Variants in MSH3 observed in about 807,000 individuals in gnomAD.
MSH3 encodes mutS homolog 3, also known as DNA mismatch repair protein Msh3.
MSH3 carries 106 observed loss-of-function variants against 123.3 expected under a neutral mutation model. The ratio of observed to expected loss-of-function variants is 0.86; its 90% confidence interval spans 0.73 to 1.01. MSH3 has a LOEUF of 1.01. MSH3 is among the 50% of genes least tolerant of loss of function. The pLI, the probability that MSH3 is intolerant of heterozygous loss-of-function variation, is 0.00. For synonymous variants in MSH3, 515 were observed against 481.4 expected (o/e 1.07, Z -0.91); for missense variants, 1,459 against 1,347.6 (o/e 1.08, Z -1.29).
intron 3 of MSH3, among the ~76,000 whole-genome samples, chr5:80,669,122 GT>G (rs961005425): frequency 6.6e-6 from 1 of 152,012 alleles, no homozygotes; most frequent in African/African-American, 2.4e-5. Context: ...AATAAATTGA[GT>G]TTTTTTTGAA....
intron 8 of MSH3, among the ~76,000 whole-genome samples, chr5:80,704,451 G>C (rs1412717275): frequency 6.6e-6 from 1 of 152,152 alleles, no homozygotes; most frequent in Non-Finnish European, 1.5e-5. Context: ...TGCCCTCCAG[G>C]TGCTTAGTGA....
chr5:80,812,465 C>T (rs972725732), intron 19 of MSH3, among the ~76,000 whole-genome samples: 4 of 152,082 alleles, frequency 2.6e-5, no homozygotes, highest in African/African-American at 9.7e-5. Context: ...TCTTTTTAGC[C>T]TCTCTTCAAG....
chr5:80,786,099 A>T lies in MSH3; in HGVS notation c.2436-1466A>T, dbSNP rs576333167. 2.0e-5 allele frequency among the ~76,000 whole-genome samples: 3 copies of T among 152,220 alleles called. No homozygotes were observed. The East Asian group carries it at 5.8e-4, about 29-fold the overall frequency. On this transcript the variant is annotated intron_variant, in intron 17 of 23. Transcript: ENST00000265081. ...ATGGCACATGTATACATATGTAACT[A>T]ACCTGCACATTGTGCACATGTACCC...
Position 80,819,410 on chromosome 5 carries a change from G to A in MSH3, c.2813+5669G>A, listed in dbSNP as rs12658865. On this transcript the variant is annotated intron_variant, in intron 20 of 23. Transcript: ENST00000265081. ...TATGTATATATGTGTATATATGTGTGTATATATGTATATATGTGTGTGTAT... is the reference window on the plus strand; with the variant it reads ...TATGTATATATGTGTATATATGTGTATATATATGTATATATGTGTGTGTAT... Among the ~76,000 whole-genome samples the A allele has an allele frequency of 2.1e-4, 31 of 147,118 alleles. No individual in the cohort carries two copies. In the East Asian group the frequency reaches 5.2e-3, roughly 25 times the overall value.
At position 80,802,947 on chromosome 5, in the gene MSH3, A is replaced by G. The variant is rs117426594; in HGVS notation, c.2655+10103A>G. Among the ~76,000 whole-genome samples, 17 of 152,236 alleles carry G rather than the reference A, an allele frequency of 1.1e-4. 1 individual carries two copies. In the East Asian group the frequency reaches 2.3e-3, roughly 21 times the overall value. On this transcript the variant is annotated intron_variant, in intron 19 of 23. Coordinates refer to ENST00000265081, the MANE Select transcript of MSH3 (RefSeq NM_002439.5). ...TGAATAGTACTCCATTGTGTAGTGT[A>G]CCACATTTTCTTTGTCCATTCATCT...
At chr5:80,772,981 CTG>C (rs1466961523) in intron 15 of MSH3, among the ~76,000 whole-genome samples, 2 of 152,174 alleles carry the variant, frequency 1.3e-5, no homozygotes, top group South Asian at 2.1e-4. Context: ...TGTATTGGCT[CTG>C]TGTATGGTAG....
intron 8 of MSH3, among the ~76,000 whole-genome samples, chr5:80,711,295 T>A (rs1367258694): frequency 6.6e-6 from 1 of 152,194 alleles, no homozygotes; most frequent in African/African-American, 2.4e-5. Context: ...TGCGGATAGG[T>A]CCTGGTGTGT....
At chr5:80,830,652 C>T (rs1242520771) in intron 20 of MSH3, among the ~76,000 whole-genome samples, 1 of 152,182 alleles carries the variant, frequency 6.6e-6, no homozygotes, top group Admixed American at 6.5e-5. Flanking sequence ...GGGACTTTCC[C>T]ACAAAGTGGA....
rs531334866 is a variant in MSH3, at chr5:80,674,526, T to C, written c.1028-457T>C. ...GCATCATCCAAGTGATGAAGTGGGT[T>C]GATATTTGGGCCTCCATGGGGTCTG... On this transcript the variant is annotated intron_variant, in intron 6 of 23. Transcript: ENST00000265081. 2.3e-4 allele frequency among the ~76,000 whole-genome samples: 35 copies of C among 152,292 alleles called. No homozygotes were observed. In the East Asian group the frequency reaches 6.7e-3, roughly 29 times the overall value.
chr5:80,705,806 G>A (rs1750710497), intron 8 of MSH3, among the ~76,000 whole-genome samples: 1 of 152,080 alleles, frequency 6.6e-6, no homozygotes, highest in African/African-American at 2.4e-5. Context: ...CTGTGTCCAT[G>A]TTTTCCCTTT....
At chr5:80,674,903 A>G in intron 6 of MSH3, 80 bp from the exon 7 acceptor site, 2 of 1,235,402 alleles carry the variant, frequency 1.6e-6, no homozygotes, top group Non-Finnish European at 2.3e-6. Flanking sequence ...TTAAAGGAGA[A>G]AATAGTTAAT....
chr5:80,704,325 A>T (rs974587359), intron 8 of MSH3, among the ~76,000 whole-genome samples: 2 of 152,150 alleles, frequency 1.3e-5, no homozygotes, highest in African/African-American at 4.8e-5. Flanking sequence ...CTAAGTGTAG[A>T]AAACAATACT....
At chr5:80,761,799 A>T in intron 13 of MSH3, 121 bp downstream of exon 13, 1 of 1,073,380 alleles carries the variant, frequency 9.3e-7, no homozygotes, top group South Asian at 1.4e-5. Flanking sequence ...TACAAATAGC[A>T]TGCGAGAGTA....
At chr5:80,819,660 T>A (rs552320883) in intron 20 of MSH3, among the ~76,000 whole-genome samples, 3 of 151,948 alleles carry the variant, frequency 2.0e-5, no homozygotes, top group African/African-American at 7.2e-5. Flanking sequence ...CTAATTTTTG[T>A]ATTTTTAGTA....
intron 23 of MSH3, among the ~76,000 whole-genome samples, chr5:80,874,437 T>G (rs917175527): frequency 2.6e-5 from 4 of 152,172 alleles, no homozygotes; most frequent in African/African-American, 9.7e-5. Flanking sequence ...AGAAGCAAAG[T>G]GGCATAATCA....
chr5:80,790,194 C>T (rs763085543), intron 18 of MSH3, among the ~76,000 whole-genome samples: 23 of 152,044 alleles, frequency 1.5e-4, no homozygotes, highest in Non-Finnish European at 2.9e-4. Flanking sequence ...ATTGCATCAT[C>T]GTTTATAAGT....
intron 2 of MSH3, among the ~76,000 whole-genome samples, chr5:80,660,396 CCACTGGGTCCTCCCACTGGGTTACCTCT>C (rs1252721546): frequency 1.3e-5 from 2 of 152,072 alleles, no homozygotes; most frequent in African/African-American, 2.4e-5. Flanking sequence ...ATGATTCCTC[CCACTGGGTCCTCCCACTGGGTTACCTCT>C]CACTGGGTCC....
At chr5:80,738,066 C>G (rs185911755) in intron 10 of MSH3, among the ~76,000 whole-genome samples, 52 of 152,338 alleles carry the variant, frequency 3.4e-4, no homozygotes, top group Admixed American at 3.2e-3. Context: ...CACATTAATA[C>G]TTACGTTAAT....
At chr5:80,824,910 C>A (rs940889797) in intron 20 of MSH3, among the ~76,000 whole-genome samples, 1 of 152,150 alleles carries the variant, frequency 6.6e-6, no homozygotes, top group Admixed American at 6.5e-5. Flanking sequence ...CCGTCTGGGA[C>A]AGACTGCCCT....
Sources: allele counts gnomAD v4.1 joint callset (sites outside exome capture counted in the v4.1 genomes callset), GRCh38; gene constraint gnomAD v4.1.1; transcripts MANE v1.5; gene names NCBI Gene and HGNC (gene_info 2026-07-23, HGNC 2026-07-21).